PTPRZ1: variants seen among roughly 807,000 people sequenced by gnomAD.
PTPRZ1 encodes receptor-type tyrosine-protein phosphatase zeta.
Under a neutral mutation model 214.1 loss-of-function variants are expected in PTPRZ1, and 82 were observed. The ratio of observed to expected loss-of-function variants is 0.38; its 90% CI spans 0.32 to 0.46. The LOEUF is 0.46. Ranked by LOEUF, PTPRZ1 falls within the 20% of genes least tolerant of loss-of-function variation. The probability of loss-of-function intolerance (pLI) is 1.00; values close to 1 mark genes in which losing one functional copy is unlikely to be tolerated. For synonymous variants in PTPRZ1, 945 were observed against 987.9 expected (o/e 0.96, Z 0.81); for missense variants, 2,603 against 2,748.7 (o/e 0.95, Z 1.19).
chr7:121,964,979 T>C (rs1797001270), intron 2 of PTPRZ1, among the ~76,000 whole-genome samples: 1 of 152,162 alleles, frequency 6.6e-6, no homozygotes, highest in Non-Finnish European at 1.5e-5. Flanking sequence ...ATAGGATCTG[T>C]TGGCCATAAC....
chr7:121,969,712 C>G (rs376660259), intron 3 of PTPRZ1, among the ~76,000 whole-genome samples: 2 of 151,758 alleles, frequency 1.3e-5, no homozygotes, highest in East Asian at 3.9e-4. Context: ...TGTCCCAAAT[C>G]TTGACATTAT....
At chr7:121,928,620 G>A (rs1045441515) in intron 2 of PTPRZ1, among the ~76,000 whole-genome samples, 1 of 152,152 alleles carries the variant, frequency 6.6e-6, no homozygotes, top group Non-Finnish European at 1.5e-5. Flanking sequence ...AATGTTAGCT[G>A]CTGGAGTTGT....
At chr7:122,002,453 TAA>T (rs1422771961) in intron 10 of PTPRZ1, among the ~76,000 whole-genome samples, 1 of 152,220 alleles carries the variant, frequency 6.6e-6, no homozygotes, top group African/African-American at 2.4e-5. Flanking sequence ...AATCCAATTA[TAA>T]GTCATTAATA....
chr7:122,015,395 C>A (rs1798813722), intron 12 of PTPRZ1, among the ~76,000 whole-genome samples: 2 of 151,934 alleles, frequency 1.3e-5, no homozygotes, highest in Non-Finnish European at 2.9e-5. Flanking sequence ...TATATTTTTT[C>A]TTCAGTGCAG....
intron 8 of PTPRZ1, among the ~76,000 whole-genome samples, chr7:121,989,472 T>TGATTCTCCTGCCTC (rs1400962379): frequency 3.2e-4 from 48 of 152,022 alleles, no homozygotes; most frequent in Admixed American, 3.1e-3. Flanking sequence ...CCTCCTGGGT[T>TGATTCTCCTGCCTC]CGAGTGATTC....
chr7:121,994,695 T>A lies in PTPRZ1; in HGVS notation c.929-1687T>A, dbSNP rs191413161. On this transcript the variant is annotated intron_variant, in intron 8 of 29. Coordinates refer to ENST00000393386, the MANE Select transcript of PTPRZ1 (RefSeq NM_002851.3). ...AGCAAGAACGAGCTTGTTGCTCCAATGATAGAAACGTGAATAGCTCACTTG... is the reference window on the plus strand; with the variant it reads ...AGCAAGAACGAGCTTGTTGCTCCAAAGATAGAAACGTGAATAGCTCACTTG... 9.9e-5 allele frequency among the ~76,000 whole-genome samples: 15 copies of A among 152,274 alleles called. No homozygotes were observed. In the East Asian group the frequency reaches 2.9e-3, roughly 29 times the overall value.
chr7:121,907,726 G>A (rs1447923881), intron 1 of PTPRZ1, among the ~76,000 whole-genome samples: 1 of 150,992 alleles, frequency 6.6e-6, no homozygotes, highest in Non-Finnish European at 1.5e-5. Context: ...ATCTACATTA[G>A]CTTTTCCATG....
chr7:121,893,821 T>C (rs2116228071), intron 1 of PTPRZ1, among the ~76,000 whole-genome samples: 1 of 152,276 alleles, frequency 6.6e-6, no homozygotes, highest in Non-Finnish European at 1.5e-5. Context: ...CCTAAATATT[T>C]ATAGGGTTCC....
At position 122,034,308 on chromosome 7, in the gene PTPRZ1, A is replaced by G. The variant is rs1400585076; in HGVS notation, c.5214A>G (p.Leu1738=). The change falls in exon 17 of 30, where the codon TTA becomes TTG. Residue 1738 remains leucine (L), a synonymous_variant. Transcript: ENST00000393386. The stretch of plus-strand genomic sequence containing the variant: ...AAGTGCAGAGCTGTACTGTTGACTT[A>G]GGTATTACAGCAGACAGCTCCAACC... ...YQEVQSCTVD[L]GITADSSNHP... is the part of the protein sequence containing the mutation. 1.2e-6 allele frequency: 2 copies of G among 1,613,450 alleles called. No individual in the cohort carries two copies. Among genetic ancestry groups the G allele is most frequent in the Non-Finnish European group, 1.7e-6 (2 of 1,179,608 alleles).
chr7:122,044,473 G>T lies in PTPRZ1; in HGVS notation c.5989G>T (p.Glu1997Ter). The T allele has an allele frequency of 6.2e-7, 1 of 1,613,954 alleles. No homozygotes were observed. Among genetic ancestry groups the T allele is most frequent in the Non-Finnish European group, 8.5e-7 (1 of 1,179,850 alleles). The change falls in exon 23 of 30, where the codon GAA becomes TAA. Residue 1997 changes from glutamate to a stop codon, truncating the protein, a stop_gained. Coordinates refer to ENST00000393386, the MANE Select transcript of PTPRZ1 (RefSeq NM_002851.3). LOFTEE classifies it high-confidence loss of function. The part of the protein sequence containing the change: ...DTLVEAILSK[E>*]TEVLDSHIHA... ...ACTGGTTGAGGCCATACTTAGTAAAGAAACTGAGGTGCTGGACAGTCATAT... is the reference window on the plus strand; with the variant it reads ...ACTGGTTGAGGCCATACTTAGTAAATAAACTGAGGTGCTGGACAGTCATAT...
Position 122,042,863 on chromosome 7 carries a change from A to G in PTPRZ1, c.5937+120A>G, listed in dbSNP as rs547169471. The G allele has an allele frequency of 6.4e-5, 69 of 1,070,504 alleles. No homozygotes were observed. The African/African-American group carries it at 1.0e-3, about 16-fold the overall frequency. The allele number at this position is 1,070,504 out of a possible 1,614,324, so 66.3% of individuals were successfully genotyped here. On this transcript the variant is annotated intron_variant, in intron 22 of 29. Transcript: ENST00000393386. ...AATACAAACTGGGTGGGTTAGAACAACAGAAGTTTATTGTCTCATAGTTCT... is the reference window on the plus strand; with the variant it reads ...AATACAAACTGGGTGGGTTAGAACAGCAGAAGTTTATTGTCTCATAGTTCT...
intron 2 of PTPRZ1, among the ~76,000 whole-genome samples, chr7:121,943,950 G>A (rs533117484): frequency 6.6e-6 from 1 of 152,308 alleles, no homozygotes; most frequent in East Asian, 1.9e-4. Flanking sequence ...GTGTAAAAGT[G>A]CTTCAGCTCT....
In PTPRZ1 at chr7:122,058,821, A is replaced by C. The variant is rs369155413; in HGVS notation, c.6550A>C (p.Arg2184=). The C allele has an allele frequency of 1.6e-5, 26 of 1,606,212 alleles. No individual in the cohort carries two copies. The highest frequency in any genetic ancestry group is 2.0e-5 in the Non-Finnish European group (23 of 1,173,472). The part of the protein sequence containing the change: ...ATQDDYVLEV[R]HFQCPKWPNP... ...ATAGGATGATTATGTACTTGAAGTG[A>C]GGCACTTTCAGTGTCCTAAATGGCC... The change falls in exon 28 of 30, where the codon AGG becomes CGG. Residue 2184 remains arginine, a synonymous_variant. Transcript: ENST00000393386.
chr7:121,999,685 C>T (rs933113518), intron 10 of PTPRZ1, among the ~76,000 whole-genome samples: 1 of 152,064 alleles, frequency 6.6e-6, no homozygotes, highest in Non-Finnish European at 1.5e-5. Context: ...CTATTTTATT[C>T]GCTATGCCAA....
chr7:121,990,007 C>T (rs1231098292), intron 8 of PTPRZ1, among the ~76,000 whole-genome samples: 3 of 151,912 alleles, frequency 2.0e-5, no homozygotes, highest in Non-Finnish European at 2.9e-5. Flanking sequence ...TCATATTATA[C>T]CTTTAATACA....
At chr7:122,022,802 A>G (rs1799057400) in intron 13 of PTPRZ1, among the ~76,000 whole-genome samples, 1 of 152,180 alleles carries the variant, frequency 6.6e-6, no homozygotes, top group Non-Finnish European at 1.5e-5. Flanking sequence ...TAAAGGACTC[A>G]TGCTTCCCAG....
chr7:121,929,824 TAAAA>T (rs1392618126), intron 2 of PTPRZ1, among the ~76,000 whole-genome samples: 115 of 109,356 alleles, frequency 1.1e-3, no homozygotes, highest in African/African-American at 4.7e-3. Flanking sequence ...AAAATAAAAA[TAAAA>T]AATAAATAAA....
Position 122,040,943 on chromosome 7 carries a change from A to G in PTPRZ1, c.5765A>G (p.Lys1922Arg). 1 of 1,591,122 alleles carries G rather than the reference A, an allele frequency of 6.3e-7. No homozygotes were observed. Among genetic ancestry groups the G allele is most frequent in the East Asian group, 2.3e-5 (1 of 44,370 alleles). The change falls in exon 21 of 30, where the codon AAG (lysine) becomes AGG (arginine). Residue 1922 changes from lysine to arginine, a missense_variant. Around this residue, in one of 6 missense-constraint regions of PTPRZ1, gnomAD observed 1,913 missense variants for 1,914.3 expected, o/e 1.00. Transcript: ENST00000393386. Reference sequence around the variant, plus strand: ...TTTGTGAGAAAGGCAGCCTATGCCAAGCGCCATGCAGTGGGGCCTGTTGTC... The same window carrying G: ...TTTGTGAGAAAGGCAGCCTATGCCAGGCGCCATGCAGTGGGGCCTGTTGTC... ...LTFVRKAAYA[K>R]RHAVGPVVVH...
intron 2 of PTPRZ1, among the ~76,000 whole-genome samples, chr7:121,942,884 C>G (rs1796270042): frequency 6.6e-6 from 1 of 152,176 alleles, no homozygotes; most frequent in Non-Finnish European, 1.5e-5. Flanking sequence ...CAGCTAGCAG[C>G]TGTTGGCCAG....
Sources: gnomAD v4.1 joint callset for allele counts (sites outside exome capture counted in the v4.1 genomes callset) on GRCh38, gnomAD v4.1.1 for gene constraint, gnomAD v4.1.1 regional missense constraint, MANE v1.5 for transcripts, NCBI Gene and HGNC (gene_info 2026-07-23, HGNC 2026-07-21) for gene names.